The following SLC60A1 variants were observed in gnomAD, a reference collection of about 807,000 sequenced individuals.
SLC60A1 encodes major facilitator superfamily domain containing 4.
At chr1:205,580,783 G>A in the SLC60A1 span, 6 of 1,614,170 alleles carry the variant, frequency 3.7e-6, no homozygotes, top group Non-Finnish European at 5.1e-6. This position sits in a 1 kb window ranked among gnomAD's most constrained non-coding sequence, Gnocchi z 5.0. Flanking sequence ...GAGGCCACCT[G>A]TTCCATGTCT....
the SLC60A1 span, among the ~76,000 whole-genome samples, chr1:205,591,508 G>T: frequency 0.22 from 29,304 of 135,836 alleles, 3,226 homozygotes; most frequent in Non-Finnish European, 0.24. Flanking sequence ...AAAAAGGAAA[G>T]AAAAGAAAGA....
chr1:205,584,548 T>TAAA, the SLC60A1 span, among the ~76,000 whole-genome samples: 3 of 111,608 alleles, frequency 2.7e-5, no homozygotes, highest in South Asian at 3.1e-4. Context: ...TTTTTTTTTT[T>TAAA]AAAAAAAAAA....
chr1:205,595,149 A>C, the SLC60A1 span: 1 of 152,382 alleles, frequency 6.6e-6, no homozygotes, highest in Non-Finnish European at 1.5e-5. Context: ...CCCCAAAAAA[A>C]CCAGAAAACA....
At chr1:205,589,458 G>A in the SLC60A1 span, among the ~76,000 whole-genome samples, 1 of 152,120 alleles carries the variant, frequency 6.6e-6, no homozygotes, top group Non-Finnish European at 1.5e-5. Context: ...GAAGCCAATA[G>A]GTTTTAAGCA....
chr1:205,600,381 T>C, the SLC60A1 span: 36 of 1,610,504 alleles, frequency 2.2e-5, no homozygotes, highest in Non-Finnish European at 3.0e-5. Flanking sequence ...TGAAACATGC[T>C]ACCTGTTTTG....
the SLC60A1 span, among the ~76,000 whole-genome samples, chr1:205,569,743 G>A: frequency 6.6e-6 from 1 of 152,152 alleles, no homozygotes; most frequent in African/African-American, 2.4e-5. Flanking sequence ...TGGAAGGACC[G>A]TGGGAGGGCC....
chr1:205,587,487 C>T, the SLC60A1 span, among the ~76,000 whole-genome samples: 1,132 of 152,080 alleles, frequency 7.4e-3, 9 homozygotes, highest in African/African-American at 0.026. Flanking sequence ...TAAACCCAAA[C>T]GCAAGAGGTT....
chr1:205,569,062 C>G, the SLC60A1 span: 1 of 1,467,912 alleles, frequency 6.8e-7, no homozygotes. Context: ...AGCCCGTCAG[C>G]CTGCGCCATG....
the SLC60A1 span, chr1:205,599,008 C>G: frequency 7.8e-7 from 1 of 1,280,582 alleles, no homozygotes; most frequent in South Asian, 1.4e-5. Context: ...GATTCCATCT[C>G]TTGGTGTGAC....
chr1:205,580,266 C>T, the SLC60A1 span, among the ~76,000 whole-genome samples: 3 of 152,112 alleles, frequency 2.0e-5, no homozygotes, highest in Non-Finnish European at 4.4e-5. The surrounding 1 kb of genome is among the most constrained non-coding windows in gnomAD (Gnocchi z 5.0). Flanking sequence ...CGGGATTCAG[C>T]CAGCCCTTCC....
the SLC60A1 span, chr1:205,592,252 T>C: frequency 1.2e-6 from 2 of 1,614,100 alleles, no homozygotes; most frequent in Non-Finnish European, 1.7e-6. Context: ...TTCCCCAGCA[T>C]GCTGGCCTAC....
At chr1:205,573,021 G>T in the SLC60A1 span, among the ~76,000 whole-genome samples, 1 of 152,208 alleles carries the variant, frequency 6.6e-6, no homozygotes, top group Non-Finnish European at 1.5e-5. Context: ...CCAGCTACCT[G>T]AGAGGCTGAG....
chr1:205,584,881 G>A, the SLC60A1 span: 1 of 1,613,966 alleles, frequency 6.2e-7, no homozygotes. Flanking sequence ...TGCAGGGCAT[G>A]AGGACCTGTT....
At chr1:205,579,949 G>C in the SLC60A1 span, 3 of 1,611,818 alleles carry the variant, frequency 1.9e-6, no homozygotes, top group African/African-American at 1.3e-5. Flanking sequence ...TCTTCCTCCA[G>C]GTAAGCCCGG....
At chr1:205,569,106 C>G in the SLC60A1 span, 7 of 1,517,686 alleles carry the variant, frequency 4.6e-6, no homozygotes, top group African/African-American at 1.4e-5. Flanking sequence ...GCTGCTCCGC[C>G]GCAACCTGCA....
the SLC60A1 span, among the ~76,000 whole-genome samples, chr1:205,585,173 G>A: frequency 1.5e-4 from 23 of 152,296 alleles, no homozygotes; most frequent in African/African-American, 4.8e-4. The surrounding 1 kb of genome is among the most constrained non-coding windows in gnomAD (Gnocchi z 4.2). Flanking sequence ...GTCACAGCAC[G>A]TTGGTACTAT....
chr1:205,599,248 T>A, the SLC60A1 span: 1 of 1,613,876 alleles, frequency 6.2e-7, no homozygotes, highest in Non-Finnish European at 8.5e-7. Context: ...TGGACTCCCA[T>A]CAGGTAAGGA....
the SLC60A1 span, among the ~76,000 whole-genome samples, chr1:205,583,106 T>TA: frequency 6.6e-6 from 1 of 152,126 alleles, no homozygotes; most frequent in East Asian, 1.9e-4. Context: ...GGACAATAGT[T>TA]AGACTTGATG....
chr1:205,586,116 G>C, the SLC60A1 span: 1 of 1,613,682 alleles, frequency 6.2e-7, no homozygotes, highest in Non-Finnish European at 8.5e-7. Context: ...TACCTCCCCA[G>C]CCTCTTCTGG....
Sources: allele counts gnomAD v4.1 joint callset (sites outside exome capture counted in the v4.1 genomes callset), GRCh38; gene constraint gnomAD v4.1.1; non-coding constraint Gnocchi (gnomAD v3.1); transcripts MANE v1.5; gene names NCBI Gene and HGNC (gene_info 2026-07-23, HGNC 2026-07-21).